Variants in LARP1 observed in about 807,000 individuals in gnomAD.
LARP1 encodes la-related protein 1.
LARP1 carries 36 observed loss-of-function variants against 122.7 expected under a neutral mutation model. That is an observed-to-expected ratio of 0.29 (90% CI 0.22 to 0.39). LARP1 has a LOEUF of 0.39. Among genes scored for constraint, LARP1 ranks in the 10% least tolerant of loss-of-function variants. The pLI is 1.00. For synonymous variants in LARP1, 539 were observed against 528.7 expected (o/e 1.02, Z -0.27); for missense variants, 1,040 against 1,403.6 (o/e 0.74, Z 4.14).
chr5:154,813,771 A>G, intron 18 of LARP1, 116 bp from the exon 19 acceptor site: 2 of 856,880 alleles, frequency 2.3e-6, no homozygotes, highest in Non-Finnish European at 3.8e-6. Flanking sequence ...TTTAAGGTTA[A>G]ACCCATTCAT....
chr5:154,781,336 G>A (rs183026537), intron 1 of LARP1, among the ~76,000 whole-genome samples: 1,803 of 152,290 alleles, frequency 0.012, 30 homozygotes, highest in African/African-American at 0.039. Flanking sequence ...GCTCACGCCT[G>A]TAATCCCAGC....
Position 154,756,150 on chromosome 5 carries a change from A to C in LARP1, c.393A>C (p.Ala131=), listed in dbSNP as rs754711119. ...PPKVNPWTKN[A]LPPVLTTVNG... is the part of the protein sequence containing the mutation. ...AGGTGAACCCGTGGACTAAGAACGC[A>C]TTGCCGCCGGTCCTGACCACCGTGA... is the stretch of plus-strand genomic sequence containing the variant. The change falls in exon 1 of 19, where the codon GCA becomes GCC. Residue 131 remains alanine (A), a synonymous_variant. Coordinates refer to ENST00000518297, the MANE Select transcript of LARP1 (RefSeq NM_033551.3). The C allele has an allele frequency of 7.6e-7, 1 of 1,314,704 alleles. No individual in the cohort carries two copies. The highest frequency in any genetic ancestry group is 1.0e-6 in the Non-Finnish European group (1 of 998,364). 81.4% of individuals were successfully genotyped at this position (1,314,704 alleles called of 1,614,324 possible).
chr5:154,793,531 G>A (rs934313059), intron 4 of LARP1, 64 bp from the exon 5 acceptor site: 1 of 1,606,934 alleles, frequency 6.2e-7, no homozygotes, highest in African/African-American at 1.3e-5. Context: ...AGAGGAGTTG[G>A]GTAGAGCTGG....
chr5:154,761,598 G>A (rs1334334996), intron 1 of LARP1, among the ~76,000 whole-genome samples: 1 of 152,158 alleles, frequency 6.6e-6, no homozygotes, highest in Non-Finnish European at 1.5e-5. Context: ...GGCCACTGGA[G>A]GTTCAGCAGG....
At position 154,689,574 on chromosome 5, in the gene LARP1, C is replaced by T. The variant is rs1423307466; in HGVS notation, c.-180+6537C>T. 5.4e-5 allele frequency among the ~76,000 whole-genome samples: 8 copies of T among 148,436 alleles called. No homozygotes were observed. The East Asian group carries it at 1.2e-3, about 22-fold the overall frequency. ...GGCAGAGGTTGCAGTGAGCTGAGAT[C>T]GTGCCATTTTACTCCAGCCTGGACT... is the stretch of plus-strand genomic sequence containing the variant. On this transcript the variant is annotated intron_variant, in intron 1 of 18. Transcript: ENST00000687700.
intron 4 of LARP1, 68 bp downstream of exon 4, chr5:154,792,864 G>GTCCCCT: frequency 6.6e-7 from 1 of 1,506,740 alleles, no homozygotes; most frequent in Non-Finnish European, 9.1e-7. Context: ...AGGACTCCAG[G>GTCCCCT]GGACTGCTGG....
chr5:154,712,436 G>C (rs371749903), upstream of LARP1, among the ~76,000 whole-genome samples: 13 of 152,270 alleles, frequency 8.5e-5, no homozygotes, highest in African/African-American at 3.1e-4. Flanking sequence ...TGCAAGGGCT[G>C]TGTGAACTGG....
chr5:154,768,168 C>T (rs1323149684), intron 1 of LARP1, among the ~76,000 whole-genome samples: 1 of 152,184 alleles, frequency 6.6e-6, no homozygotes, highest in Non-Finnish European at 1.5e-5. Flanking sequence ...TAAATGGATT[C>T]AGTTGTCACA....
At position 154,715,667 on chromosome 5, in the gene LARP1, C is replaced by G. The variant is rs146821766; in HGVS notation, c.205+2537C>G. The stretch of plus-strand genomic sequence containing the variant: ...CCCAAGAGTGAATGCGGGGTGTGTG[C>G]GAATATTTTTTGAGTGCCTTGGGTA... On this transcript the variant is annotated intron_variant, in intron 1 of 18. Coordinates refer to the LARP1 transcript ENST00000336314. Among the ~76,000 whole-genome samples the G allele has an allele frequency of 1.2e-4, 18 of 152,114 alleles. No homozygotes were observed. The East Asian group carries it at 3.3e-3, about 28-fold the overall frequency.
At chr5:154,788,354 A>G (rs1463936352) in intron 1 of LARP1, among the ~76,000 whole-genome samples, 2 of 152,132 alleles carry the variant, frequency 1.3e-5, no homozygotes, top group Non-Finnish European at 2.9e-5. Context: ...CCAGCTCTCA[A>G]AGGCATGTGG....
intron 1 of LARP1, among the ~76,000 whole-genome samples, chr5:154,737,478 G>A (rs1296107254): frequency 3.9e-5 from 4 of 101,366 alleles, no homozygotes; most frequent in Admixed American, 1.4e-4. Flanking sequence ...GTCTTGCTTC[G>A]TCACCCAGGC....
intron 1 of LARP1, chr5:154,786,615 T>C (rs1388753455): frequency 2.6e-6 from 1 of 387,364 alleles, no homozygotes; most frequent in Admixed American, 3.1e-5. Context: ...AGTAACTGTT[T>C]ACTCAGAAAA....
intron 1 of LARP1, chr5:154,713,204 G>T (rs941198962): frequency 6.1e-6 from 8 of 1,314,844 alleles, no homozygotes; most frequent in Non-Finnish European, 7.4e-6. Context: ...CTCCCTAGGG[G>T]CAGAAACCTT....
intron 1 of LARP1, among the ~76,000 whole-genome samples, chr5:154,733,275 T>C (rs895694470): frequency 6.6e-6 from 1 of 152,252 alleles, no homozygotes; most frequent in African/African-American, 2.4e-5. Context: ...CGACACCGTG[T>C]TGGTCTAGCA....
At chr5:154,721,296 A>AT (rs367639410) in intron 1 of LARP1, among the ~76,000 whole-genome samples, 87 of 150,726 alleles carry the variant, frequency 5.8e-4, no homozygotes, top group African/African-American at 2.1e-3. Flanking sequence ...GCAGTGAGCT[A>AT]TGATAGCACC....
chr5:154,731,076 T>G (rs983016231), intron 1 of LARP1, among the ~76,000 whole-genome samples: 3 of 151,980 alleles, frequency 2.0e-5, no homozygotes, highest in Admixed American at 1.3e-4. Flanking sequence ...CCGCCTGCCT[T>G]GGCCTCCCAC....
chr5:154,794,320 A>G (rs1219094866), intron 7 of LARP1, 58 bp downstream of exon 7: 1 of 1,565,150 alleles, frequency 6.4e-7, no homozygotes, highest in African/African-American at 1.4e-5. Flanking sequence ...AGGGGTTGCT[A>G]GAGTGTCATA....
intron 8 of LARP1, among the ~76,000 whole-genome samples, chr5:154,798,956 C>T (rs1758111945): frequency 6.6e-6 from 1 of 152,210 alleles, no homozygotes; most frequent in South Asian, 2.1e-4. Context: ...CCTCCACCTC[C>T]TGGGTTCAAG....
rs1158010359 is a variant in LARP1, at chr5:154,797,221, G to GTTTTTTTTTTTTTTTTT, written c.1377+1915_1377+1931dup. Among the ~76,000 whole-genome samples, 5 of 29,748 alleles carry GTTTTTTTTTTTTTTTTT rather than the reference G, an allele frequency of 1.7e-4. 2 individuals are homozygous for GTTTTTTTTTTTTTTTTT. Among genetic ancestry groups the GTTTTTTTTTTTTTTTTT allele is most frequent in the African/African-American group, 3.1e-4 (3 of 9,524 alleles). 19.5% of individuals were successfully genotyped at this position (29,748 alleles called of 152,430 possible). On this transcript the variant is annotated intron_variant, in intron 8 of 18. Transcript: ENST00000518297. The stretch of plus-strand genomic sequence containing the variant: ...GGAGTTATTCTGTTTTGTTGTTGTT[G>GTTTTTTTTTTTTTTTTT]TTTTTTTTTTTTTTTTTTTTTTTTT...
Sources: gnomAD v4.1 joint callset for allele counts (sites outside exome capture counted in the v4.1 genomes callset) on GRCh38, gnomAD v4.1.1 for gene constraint, MANE v1.5 for transcripts, NCBI Gene and HGNC (gene_info 2026-07-23, HGNC 2026-07-21) for gene names.